The following WDFY1 variants were observed in gnomAD, a reference collection of about 807,000 sequenced individuals.
The protein encoded by WDFY1 is WD repeat and FYVE domain-containing protein 1.
Under a neutral mutation model 56.4 loss-of-function variants are expected in WDFY1, and 32 were observed. The ratio of observed to expected loss-of-function variants is 0.57; its 90% CI spans 0.43 to 0.76. The LOEUF (loss-of-function observed/expected upper bound fraction) is 0.76, where lower values mean the gene tolerates loss of function less well. Among genes scored for constraint, WDFY1 ranks in the 30% least tolerant of loss-of-function variants. The pLI is 0.00. For synonymous variants in WDFY1, 192 were observed against 197.3 expected (o/e 0.97, Z 0.23); for missense variants, 480 against 545.7 (o/e 0.88, Z 1.20).
intron 3 of WDFY1, among the ~76,000 whole-genome samples, chr2:223,911,992 T>A (rs1325624765): frequency 6.6e-6 from 1 of 151,880 alleles, no homozygotes; most frequent in South Asian, 2.1e-4. Context: ...TTTTTTGATT[T>A]TTCGTTGAGA....
chr2:223,878,858 C>T (rs1693016340), intron 11 of WDFY1, 128 bp from the exon 12 acceptor site: 1 of 1,205,140 alleles, frequency 8.3e-7, no homozygotes, highest in Admixed American at 2.3e-5. Flanking sequence ...TCTCATTCTC[C>T]TCTTTCATAA....
intron 1 of WDFY1, among the ~76,000 whole-genome samples, chr2:223,922,313 T>C (rs1029883001): frequency 5.3e-5 from 8 of 152,234 alleles, no homozygotes; most frequent in Non-Finnish European, 8.8e-5. Context: ...AGCCAATATA[T>C]TATTGCAGTG....
At chr2:223,884,875 T>TTTTC in intron 8 of WDFY1, 126 bp from the exon 9 acceptor site, 1 of 849,794 alleles carries the variant, frequency 1.2e-6, no homozygotes, top group African/African-American at 1.7e-5. Context: ...TTTTTTTTTT[T>TTTTC]GGTCTCCCAG....
At chr2:223,927,789 CATTTCTAACGTTTG>C (rs1263032223) in intron 1 of WDFY1, among the ~76,000 whole-genome samples, 1 of 152,210 alleles carries the variant, frequency 6.6e-6, no homozygotes, top group Non-Finnish European at 1.5e-5. Flanking sequence ...TAAGCTTAAT[CATTTCTAACGTTTG>C]ATTTAAAGTT....
At chr2:223,903,978 G>C (rs1693555451) in intron 4 of WDFY1, among the ~76,000 whole-genome samples, 1 of 152,146 alleles carries the variant, frequency 6.6e-6, no homozygotes, top group East Asian at 1.9e-4. Context: ...AGGCATTTAA[G>C]GGTCTCCAAG....
At chr2:223,891,998 T>A (rs531085474) in intron 8 of WDFY1, among the ~76,000 whole-genome samples, 1 of 152,268 alleles carries the variant, frequency 6.6e-6, no homozygotes, top group South Asian at 2.1e-4. Flanking sequence ...ATTTTTTAGA[T>A]GGAGTTTTGC....
At chr2:223,889,488 T>C (rs1395675847) in intron 8 of WDFY1, among the ~76,000 whole-genome samples, 1 of 152,156 alleles carries the variant, frequency 6.6e-6, no homozygotes, top group Non-Finnish European at 1.5e-5. Flanking sequence ...GGGTGGGTTT[T>C]TCCCATGCTA....
At chr2:223,899,099 C>T (rs530065) in intron 5 of WDFY1, 29 bp from the exon 6 acceptor site, 1,514,802 of 1,594,616 alleles carry the variant, frequency 0.95, 720,609 homozygotes, top group South Asian at 0.97. Context: ...GGATGTAGAA[C>T]AGAAATCACC....
intron 1 of WDFY1, among the ~76,000 whole-genome samples, chr2:223,937,094 G>T (rs1469604708): frequency 6.6e-6 from 1 of 152,098 alleles, no homozygotes; most frequent in Non-Finnish European, 1.5e-5. Context: ...ATATAGCAGG[G>T]GAAAGATGTC....
chr2:223,902,184 A>T (rs1285398274), intron 4 of WDFY1, among the ~76,000 whole-genome samples: 1 of 152,266 alleles, frequency 6.6e-6, no homozygotes, highest in Non-Finnish European at 1.5e-5. Context: ...TGCAGGTCAG[A>T]TTCATCCACT....
At chr2:223,900,997 G>T in intron 5 of WDFY1, 186 bp downstream of exon 5, 3 of 639,934 alleles carry the variant, frequency 4.7e-6, no homozygotes, top group Admixed American at 3.4e-5. Context: ...GTATTAGGTT[G>T]GTGCAAAAGT....
In WDFY1 at chr2:223,945,266, A is replaced by G. The variant is rs925592317; in HGVS notation, c.19T>C (p.Ser7Pro). 6.3e-7 allele frequency: 1 copy of G among 1,580,052 alleles called. No individual in the cohort carries two copies. Among genetic ancestry groups the G allele is most frequent in the Non-Finnish European group, 8.6e-7 (1 of 1,168,948 alleles). MAAEIHSRPQSSRPVLL... is the reference protein window; with the variant it reads MAAEIHPRPQSSRPVLL... ...ACCGGGCGGCTGCTCTGCGGCCTGG[A>G]GTGGATTTCGGCCGCCATGTTCGCG... Residue 7 changes from serine (S) to proline (P), a missense_variant, in exon 1 of 12, where the codon TCC becomes CCC. Ser to Pro is a moderately conservative substitution (Grantham distance 74). Transcript: ENST00000233055.
intron 7 of WDFY1, among the ~76,000 whole-genome samples, chr2:223,895,017 G>A (rs1051829600): frequency 6.6e-6 from 1 of 152,102 alleles, no homozygotes; most frequent in Non-Finnish European, 1.5e-5. Context: ...AATATACAAT[G>A]GTATCACTCA....
At chr2:223,916,374 A>G (rs193037564) in intron 2 of WDFY1, among the ~76,000 whole-genome samples, 2 of 152,322 alleles carry the variant, frequency 1.3e-5, no homozygotes, top group Admixed American at 1.3e-4. Flanking sequence ...CTCTGTCTTT[A>G]TAACAAACTC....
intron 8 of WDFY1, among the ~76,000 whole-genome samples, chr2:223,889,751 C>T (rs1574759880): frequency 6.6e-6 from 1 of 152,152 alleles, no homozygotes; most frequent in South Asian, 2.1e-4. Context: ...AATGGGATAA[C>T]AGTAGTATAT....
rs149276813 is a variant in WDFY1 at position 223,900,436 on chromosome 2, G to A, written c.485+747C>T. Among the ~76,000 whole-genome samples, 9 of 152,282 alleles carry A rather than the reference G, an allele frequency of 5.9e-5. No homozygotes were observed. In the East Asian group the frequency reaches 1.2e-3, roughly 20 times the overall value. On this transcript the variant is annotated intron_variant, in intron 5 of 11. Transcript: ENST00000233055. ...TCAACTCTGAGAGAGAAACTACTGC[G>A]GGGTGTCTGCCTGTTGTTGATAACC...
intron 6 of WDFY1, among the ~76,000 whole-genome samples, chr2:223,896,154 T>TAAAAAAAAAAA (rs1693367664): frequency 1.5e-4 from 1 of 6,554 alleles, no homozygotes. Flanking sequence ...AGACTCTGTC[T>TAAAAAAAAAAA]CAAAAAAAAA....
chr2:223,939,880 C>T, intron 1 of WDFY1, among the ~76,000 whole-genome samples: 1 of 152,182 alleles, frequency 6.6e-6, no homozygotes. Flanking sequence ...GAAAACCACC[C>T]CTGGCCCAGA....
At chr2:223,896,642 C>A (rs1693385890) in intron 6 of WDFY1, among the ~76,000 whole-genome samples, 1 of 152,134 alleles carries the variant, frequency 6.6e-6, no homozygotes, top group Non-Finnish European at 1.5e-5. Context: ...CTTAGTAAAA[C>A]TGAACCAGCC....
Sources: gnomAD v4.1 joint callset for allele counts (sites outside exome capture counted in the v4.1 genomes callset) on GRCh38, gnomAD v4.1.1 for gene constraint, MANE v1.5 for transcripts, NCBI Gene and HGNC (gene_info 2026-07-23, HGNC 2026-07-21) for gene names.